The following WASF1 variants were observed in gnomAD, a reference collection of about 807,000 sequenced individuals.
WASF1 encodes the protein actin-binding protein WASF1.
WASF1 carries 7 observed loss-of-function variants against 50.5 expected under a neutral mutation model. The ratio of observed to expected loss-of-function variants is 0.14; its 90% CI spans 0.08 to 0.26. The LOEUF (loss-of-function observed/expected upper bound fraction) is 0.26. Among genes scored for constraint, WASF1 ranks in the 10% least tolerant of loss-of-function variants. The probability of loss-of-function intolerance (pLI) is 1.00; values close to 1 mark genes in which losing one functional copy is unlikely to be tolerated. For missense variants in WASF1, 470 were observed against 694.7 expected, an observed-to-expected ratio of 0.68 and a Z score of 3.64; for synonymous variants, 205 against 244.0, an observed-to-expected ratio of 0.84 and a Z score of 1.49.
chr6:110,147,536 T>C (rs925935617), intron 3 of WASF1, among the ~76,000 whole-genome samples: 4 of 152,112 alleles, frequency 2.6e-5, no homozygotes, highest in African/African-American at 9.7e-5. Context: ...TGTATGCTAA[T>C]GAAATAATCA....
intron 3 of WASF1, among the ~76,000 whole-genome samples, chr6:110,155,323 T>G (rs1470428056): frequency 2.0e-5 from 3 of 152,026 alleles, no homozygotes; most frequent in Non-Finnish European, 2.9e-5. Context: ...AAAGGTAGAT[T>G]TGGTTAAACT....
At chr6:110,123,499 T>C (rs1562169785) in intron 4 of WASF1, among the ~76,000 whole-genome samples, 1 of 152,218 alleles carries the variant, frequency 6.6e-6, no homozygotes, top group Non-Finnish European at 1.5e-5. Flanking sequence ...AGCAATTTAA[T>C]AGATAAGTCC....
At chr6:110,161,533 G>A (rs540412814) in intron 2 of WASF1, among the ~76,000 whole-genome samples, 36 of 151,542 alleles carry the variant, frequency 2.4e-4, no homozygotes, top group African/African-American at 7.7e-4. Flanking sequence ...AACTTTACTT[G>A]TCCAGATATT....
Position 110,101,730 on chromosome 6 carries a change from A to T in WASF1, c.1380T>A (p.Ser460=). The T allele has an allele frequency of 6.2e-7, 1 of 1,614,144 alleles. No individual in the cohort carries two copies. Among genetic ancestry groups the T allele is most frequent in the Non-Finnish European group, 8.5e-7 (1 of 1,180,000 alleles). Residue 460 remains serine (S), a synonymous_variant, in exon 10 of 11, where the codon TCT becomes TCA. Coordinates refer to ENST00000392589, the MANE Select transcript of WASF1 (RefSeq NM_003931.3). ...ATGGAACATGGGGACCTGGGGCAGT[A>T]GATGGAGTTGGATGTAGCCCAGAGG... is the stretch of plus-strand genomic sequence containing the variant. The part of the protein sequence containing the change: ...HPPSGLHPTP[S]TAPGPHVPLM...
chr6:110,119,093 A>G (rs1773957759), intron 4 of WASF1, among the ~76,000 whole-genome samples: 1 of 152,232 alleles, frequency 6.6e-6, no homozygotes, highest in South Asian at 2.1e-4. Context: ...AGAAAGCAGG[A>G]AAGATCTAAA....
intron 5 of WASF1, among the ~76,000 whole-genome samples, chr6:110,109,246 T>A (rs1261652065): frequency 6.6e-6 from 1 of 152,190 alleles, no homozygotes; most frequent in African/African-American, 2.4e-5. Flanking sequence ...TTTTCACTTA[T>A]CTTTTATCTG....
intron 4 of WASF1, among the ~76,000 whole-genome samples, chr6:110,113,895 T>C (rs950289679): frequency 6.6e-6 from 1 of 152,150 alleles, no homozygotes; most frequent in Non-Finnish European, 1.5e-5. Context: ...TTAAAATTTA[T>C]CAAAATTTAC....
chr6:110,148,454 A>G (rs1775678050), intron 3 of WASF1, among the ~76,000 whole-genome samples: 1 of 152,156 alleles, frequency 6.6e-6, no homozygotes, highest in African/African-American at 2.4e-5. Flanking sequence ...AATTAAGAAC[A>G]AAAGGATTAT....
chr6:110,169,468 T>A (rs1005664382), intron 2 of WASF1, among the ~76,000 whole-genome samples: 1 of 152,170 alleles, frequency 6.6e-6, no homozygotes, highest in African/African-American at 2.4e-5. Context: ...TTCAGTCAAC[T>A]TTCAAATGTA....
chr6:110,143,713 G>C (rs1775381417), intron 3 of WASF1, among the ~76,000 whole-genome samples: 1 of 151,986 alleles, frequency 6.6e-6, no homozygotes, highest in South Asian at 2.1e-4. Context: ...AGAATTAAAA[G>C]TATTTTATTA....
chr6:110,175,354 A>G (rs1160678031), intron 2 of WASF1, among the ~76,000 whole-genome samples: 1 of 152,164 alleles, frequency 6.6e-6, no homozygotes, highest in Non-Finnish European at 1.5e-5. Flanking sequence ...AATTAAAACA[A>G]ACAAAAAACC....
At chr6:110,154,785 T>A (rs1031437288) in intron 3 of WASF1, among the ~76,000 whole-genome samples, 6 of 152,076 alleles carry the variant, frequency 3.9e-5, no homozygotes, top group Non-Finnish European at 5.9e-5. Context: ...TTAAATATTT[T>A]TCAGCCATGG....
chr6:110,143,332 G>A (rs1423159200), intron 3 of WASF1, among the ~76,000 whole-genome samples: 1 of 150,758 alleles, frequency 6.6e-6, no homozygotes, highest in Non-Finnish European at 1.5e-5. Context: ...CAAAATGTTT[G>A]ACAGAATTCT....
chr6:110,118,554 G>A (rs1416635522), intron 4 of WASF1, among the ~76,000 whole-genome samples: 1 of 151,962 alleles, frequency 6.6e-6, no homozygotes, highest in East Asian at 1.9e-4. Context: ...CAAGTCCTTA[G>A]AGACCTACAA....
intron 4 of WASF1, among the ~76,000 whole-genome samples, chr6:110,124,225 T>C (rs1463775299): frequency 7.0e-4 from 35 of 49,788 alleles, no homozygotes; most frequent in African/African-American, 1.5e-3. Flanking sequence ...CTCCTCTCTC[T>C]CCTCTCTCTC....
intron 3 of WASF1, among the ~76,000 whole-genome samples, chr6:110,149,202 T>G (rs1775713675): frequency 6.6e-6 from 1 of 152,156 alleles, no homozygotes; most frequent in African/African-American, 2.4e-5. Context: ...TTTCCTTTTT[T>G]TCCCCCTTTC....
rs962402543 is a variant in WASF1 at position 110,178,671 on chromosome 6, T to C, written c.-200A>G. ...GAATGTTGAGATCGGATGTGCTTTC[T>C]TTCATCGTTATTCCAGTTCATCATC... is the stretch of plus-strand genomic sequence containing the variant. On this transcript the variant is annotated 5_prime_UTR_variant, in exon 2 of 11. Transcript: ENST00000392589. 2 of 152,694 alleles carry C rather than the reference T, an allele frequency of 1.3e-5. No individual in the cohort carries two copies. The highest frequency in any genetic ancestry group is 4.8e-5 in the African/African-American group (2 of 41,448). 9.5% of individuals were successfully genotyped at this position (152,694 alleles called of 1,614,324 possible). A position where few individuals can be genotyped will look rare whatever the true frequency, so the allele number is the denominator to read the frequency against.
chr6:110,147,463 G>A (rs887184650), intron 3 of WASF1, among the ~76,000 whole-genome samples: 3 of 151,908 alleles, frequency 2.0e-5, no homozygotes, highest in Non-Finnish European at 4.4e-5. Flanking sequence ...AAAAGGAAAT[G>A]AAGAAATAAG....
Position 110,111,284 on chromosome 6 carries a change from TC to T in WASF1, c.268+2041del, listed in dbSNP as rs1773543456. Among the ~76,000 whole-genome samples the T allele has an allele frequency of 7.2e-5, 11 of 152,300 alleles. No individual in the cohort carries two copies. In the South Asian group the frequency reaches 2.3e-3, roughly 32 times the overall value. ...TGAAAGCATGACCATAAAATATTTT[TC>T]ACCACTAACAATGATTTTATTTCAA... On this transcript the variant is annotated intron_variant, in intron 5 of 10. Coordinates refer to ENST00000392589, the MANE Select transcript of WASF1 (RefSeq NM_003931.3).
Sources: gnomAD v4.1 joint callset for allele counts (sites outside exome capture counted in the v4.1 genomes callset) on GRCh38, gnomAD v4.1.1 for gene constraint, MANE v1.5 for transcripts, NCBI Gene and HGNC (gene_info 2026-07-23, HGNC 2026-07-21) for gene names.